Variants in SGMS1 observed in about 807,000 individuals in gnomAD.
The protein encoded by SGMS1 is sphingomyelin synthase 1.
Under a neutral mutation model 46.2 loss-of-function variants are expected in SGMS1, and 13 were observed. That is an observed-to-expected ratio of 0.28 (90% confidence interval 0.18 to 0.45). The LOEUF (loss-of-function observed/expected upper bound fraction) is 0.45, where lower values mean the gene tolerates loss of function less well. Among genes scored for constraint, SGMS1 ranks in the 20% least tolerant of loss-of-function variants. SGMS1 has a pLI of 1.00. For missense variants in SGMS1, 324 were observed against 519.9 expected, an observed-to-expected ratio of 0.62 and a Z score of 3.66; for synonymous variants, 203 against 187.8, an observed-to-expected ratio of 1.08 and a Z score of -0.66.
chr10:50,575,388 T>C (rs922434081), intron 2 of SGMS1, among the ~76,000 whole-genome samples: 18 of 152,016 alleles, frequency 1.2e-4, no homozygotes, highest in African/African-American at 4.1e-4. Flanking sequence ...ACCCCATCTC[T>C]ATAAAATAAA....
chr10:50,397,605 C>T (rs539637843), intron 6 of SGMS1, among the ~76,000 whole-genome samples: 43 of 152,240 alleles, frequency 2.8e-4, no homozygotes, highest in African/African-American at 9.9e-4. Flanking sequence ...ATCTCTTTGC[C>T]TCTGTGCATC....
At chr10:50,574,501 A>G (rs1228167012) in intron 2 of SGMS1, among the ~76,000 whole-genome samples, 1 of 152,170 alleles carries the variant, frequency 6.6e-6, no homozygotes, top group Admixed American at 6.5e-5. Context: ...AACAAGTGCT[A>G]GTAAGGTCAG....
intron 6 of SGMS1, among the ~76,000 whole-genome samples, chr10:50,407,867 C>T (rs565731894): frequency 1.3e-5 from 2 of 152,016 alleles, no homozygotes; most frequent in East Asian, 3.9e-4. Context: ...AAAATGGATC[C>T]AGCGCCTTAA....
chr10:50,467,234 T>G (rs1466122163), intron 3 of SGMS1, among the ~76,000 whole-genome samples: 1 of 152,094 alleles, frequency 6.6e-6, no homozygotes, highest in Non-Finnish European at 1.5e-5. Flanking sequence ...ATAAATTATC[T>G]CCTCTCAATT....
intron 1 of SGMS1, among the ~76,000 whole-genome samples, chr10:50,605,269 C>T (rs1256826618): frequency 6.6e-6 from 1 of 152,188 alleles, no homozygotes; most frequent in Non-Finnish European, 1.5e-5. Context: ...CAAACACAGC[C>T]TGTAGCTCAG....
intron 3 of SGMS1, among the ~76,000 whole-genome samples, chr10:50,470,362 T>C (rs1837368274): frequency 1.3e-5 from 2 of 152,232 alleles, no homozygotes; most frequent in African/African-American, 2.4e-5. Flanking sequence ...TCTTCCTTTA[T>C]ACAATGTTAG....
At chr10:50,566,368 G>A (rs1187830113) in intron 2 of SGMS1, among the ~76,000 whole-genome samples, 1 of 152,034 alleles carries the variant, frequency 6.6e-6, no homozygotes, top group Non-Finnish European at 1.5e-5. Context: ...GAAAACAGAT[G>A]CTTTCTCTAT....
chr10:50,540,379 C>T (rs1327698920), intron 2 of SGMS1, among the ~76,000 whole-genome samples: 1 of 152,104 alleles, frequency 6.6e-6, no homozygotes, highest in Non-Finnish European at 1.5e-5. Context: ...GCTAGATATG[C>T]CAACTCTCAG....
At chr10:50,439,058 A>G (rs1849509344) in intron 5 of SGMS1, among the ~76,000 whole-genome samples, 1 of 152,228 alleles carries the variant, frequency 6.6e-6, no homozygotes, top group Non-Finnish European at 1.5e-5. Context: ...AAAATGTGAT[A>G]GATTGGACTT....
chr10:50,338,057 T>C (rs1847745283), intron 7 of SGMS1, among the ~76,000 whole-genome samples: 1 of 152,182 alleles, frequency 6.6e-6, no homozygotes, highest in African/African-American at 2.4e-5. Context: ...TAAAACTTGA[T>C]GCCATGGCAG....
chr10:50,312,833 C>A (rs1370695626), intron 8 of SGMS1, among the ~76,000 whole-genome samples: 1 of 152,048 alleles, frequency 6.6e-6, no homozygotes, highest in Non-Finnish European at 1.5e-5. Flanking sequence ...CACTACGATG[C>A]CAAAAAAGGA....
chr10:50,436,193 C>G (rs1375845069), intron 5 of SGMS1, among the ~76,000 whole-genome samples: 1 of 152,188 alleles, frequency 6.6e-6, no homozygotes, highest in Non-Finnish European at 1.5e-5. Context: ...CAAGCTCCGC[C>G]TCCCGGGTTC....
intron 1 of SGMS1, among the ~76,000 whole-genome samples, chr10:50,610,945 A>G (rs1838743951): frequency 6.6e-6 from 1 of 152,104 alleles, no homozygotes; most frequent in South Asian, 2.1e-4. Context: ...CTTCCACAAA[A>G]AGCAATGGCA....
At chr10:50,502,519 C>G (rs1217901366) in intron 3 of SGMS1, among the ~76,000 whole-genome samples, 1 of 152,080 alleles carries the variant, frequency 6.6e-6, no homozygotes, top group Non-Finnish European at 1.5e-5. Context: ...AAAGTTTAGT[C>G]TTTTAGGCAT....
chr10:50,569,331 G>A (rs941259751), intron 2 of SGMS1, among the ~76,000 whole-genome samples: 22 of 149,558 alleles, frequency 1.5e-4, no homozygotes, highest in African/African-American at 4.2e-4. Flanking sequence ...TGGTTTAGAC[G>A]TTCACTTTTT....
intron 3 of SGMS1, among the ~76,000 whole-genome samples, chr10:50,485,518 A>G (rs940733282): frequency 1.8e-4 from 28 of 152,334 alleles, no homozygotes; most frequent in African/African-American, 6.5e-4. Context: ...ACTACCATTG[A>G]CATTCTTCAC....
intron 8 of SGMS1, among the ~76,000 whole-genome samples, chr10:50,315,696 C>T (rs879627630): frequency 2.0e-5 from 3 of 152,156 alleles, no homozygotes; most frequent in Non-Finnish European, 2.9e-5. Flanking sequence ...CTATCAGTAG[C>T]TTTTGAATGT....
At chr10:50,589,115 C>T (rs1838514800) in intron 2 of SGMS1, among the ~76,000 whole-genome samples, 2 of 152,028 alleles carry the variant, frequency 1.3e-5, no homozygotes, top group South Asian at 2.1e-4. Context: ...TCAGCCATGG[C>T]GGGGATGGGT....
intron 6 of SGMS1, among the ~76,000 whole-genome samples, chr10:50,395,032 A>C (rs1683099284): frequency 6.6e-6 from 1 of 152,150 alleles, no homozygotes; most frequent in Non-Finnish European, 1.5e-5. Flanking sequence ...GATCTCTGGC[A>C]ATACTTTGCG....
Sources: allele counts gnomAD v4.1 joint callset (sites outside exome capture counted in the v4.1 genomes callset), GRCh38; gene constraint gnomAD v4.1.1; transcripts MANE v1.5; gene names NCBI Gene and HGNC (gene_info 2026-07-23, HGNC 2026-07-21).